Variants in CFAP47 observed in about 807,000 individuals in gnomAD.
The protein encoded by CFAP47 is cilia- and flagella-associated protein 47.
A neutral mutation model predicts 148.1 loss-of-function variants in CFAP47; 29 were observed. That is an observed-to-expected ratio of 0.20 (90% CI 0.15 to 0.27). The LOEUF is 0.27. CFAP47 is among the 10% of genes least tolerant of loss of function. CFAP47 has a pLI of 1.00. For synonymous variants in CFAP47, 664 were observed against 577.3 expected (o/e 1.15, Z -2.15); for missense variants, 1,872 against 1,697.5 (o/e 1.10, Z -1.81).
chrX:36,316,320 G>C (rs1342559338), intron 56 of CFAP47, among the ~76,000 whole-genome samples: 1 of 112,097 alleles, frequency 8.9e-6, no homozygotes, highest in Non-Finnish European at 1.9e-5. Context: ...ATTAAGAATT[G>C]TGTTCAGTGA....
At chrX:36,102,495 T>A (rs753295878) in intron 32 of CFAP47, among the ~76,000 whole-genome samples, 1 of 111,838 alleles carries the variant, frequency 8.9e-6, no homozygotes, top group African/African-American at 3.2e-5. Context: ...TTACCACCGA[T>A]AATTTCAGAA....
At chrX:35,977,355 A>G (rs966226250) in intron 15 of CFAP47, among the ~76,000 whole-genome samples, 1 of 111,970 alleles carries the variant, frequency 8.9e-6, no homozygotes, top group African/African-American at 3.2e-5. Flanking sequence ...AAACTTCTCT[A>G]ATGCCTGGCA....
intron 8 of CFAP47, among the ~76,000 whole-genome samples, chrX:35,965,303 G>A (rs951876995): frequency 1.8e-5 from 2 of 111,332 alleles, no homozygotes; most frequent in African/African-American, 6.5e-5. Flanking sequence ...AAGAGCCTCT[G>A]TATAAGTAAG....
At chrX:36,014,208 C>A (rs1381747956) in intron 21 of CFAP47, among the ~76,000 whole-genome samples, 2 of 111,658 alleles carry the variant, frequency 1.8e-5, no homozygotes, top group African/African-American at 6.5e-5. Context: ...TGTATAGCTT[C>A]TTTTCTGAAG....
chrX:36,384,664 A>G, intron 63 of CFAP47, 133 bp from the exon 64 acceptor site: 1 of 448,729 alleles, frequency 2.2e-6, no homozygotes, highest in Non-Finnish European at 3.9e-6. Context: ...TTGTCACTCT[A>G]AGTGGTTTCA....
In CFAP47 at chrX:36,338,035, A is replaced by ATT. The variant is rs1209274928; in HGVS notation, c.8444-10070_8444-10069dup. Among the ~76,000 whole-genome samples the ATT allele has an allele frequency of 1.4e-3, 67 of 46,562 alleles. 1 individual carries two copies. The highest frequency in any genetic ancestry group is 2.8e-3 in the African/African-American group (29 of 10,475). 40.4% of individuals were successfully genotyped at this position (46,562 alleles called of 115,157 possible). A position where few individuals can be genotyped will look rare whatever the true frequency, so the allele number is the denominator to read the frequency against. ...CAGGCGCCCGCCACTACGCCTGGCT[A>ATT]TTTTTTTTTTTTTTTTTTTTTTTTT... On this transcript the variant is annotated intron_variant, in intron 57 of 63. Transcript: ENST00000378653.
At chrX:36,158,442 T>C (rs909205318) in intron 37 of CFAP47, among the ~76,000 whole-genome samples, 5 of 112,079 alleles carry the variant, frequency 4.5e-5, no homozygotes, top group Admixed American at 9.5e-5. Flanking sequence ...GCATGAGTAA[T>C]CAAAGGTACT....
chrX:36,371,258 A>G lies in CFAP47; in HGVS notation c.9185+4131A>G, dbSNP rs181945746. On this transcript the variant is annotated intron_variant, in intron 62 of 63. Coordinates refer to ENST00000378653, the MANE Select transcript of CFAP47 (RefSeq NM_001304548.2). ...ATGAGCATTATGAATTACACAAAAA[A>G]CTATAATGTAAATCTTAGGAAATGA... Among the ~76,000 whole-genome samples the G allele has an allele frequency of 3.0e-3, 332 of 111,031 alleles. 1 individual carries two copies. Among genetic ancestry groups the G allele is most frequent in the African/African-American group, 0.01 (321 of 30,686 alleles).
intron 35 of CFAP47, among the ~76,000 whole-genome samples, chrX:36,139,437 A>G (rs907505376): frequency 8.9e-6 from 1 of 111,792 alleles, no homozygotes; most frequent in Non-Finnish European, 1.9e-5. Flanking sequence ...GCATAAAAAA[A>G]TCAGGAGTTT....
intron 33 of CFAP47, among the ~76,000 whole-genome samples, chrX:36,111,817 T>A (rs1938559896): frequency 8.9e-6 from 1 of 111,954 alleles, no homozygotes; most frequent in Non-Finnish European, 1.9e-5. Flanking sequence ...GGATTCAATA[T>A]CTTCCTAGGT....
At chrX:36,107,397 C>G (rs1023279814) in intron 33 of CFAP47, among the ~76,000 whole-genome samples, 9 of 112,097 alleles carry the variant, frequency 8.0e-5, no homozygotes, top group Non-Finnish European at 1.5e-4. Flanking sequence ...ATTAATATAG[C>G]AAATATCTGT....
At chrX:36,089,639 T>A (rs1938150870) in intron 30 of CFAP47, among the ~76,000 whole-genome samples, 1 of 111,228 alleles carries the variant, frequency 9.0e-6, no homozygotes. Flanking sequence ...CCGTTTTAGC[T>A]CTAAGTTCAA....
chrX:36,204,183 T>C (rs1183379099), intron 44 of CFAP47, among the ~76,000 whole-genome samples: 10 of 111,542 alleles, frequency 9.0e-5, no homozygotes, highest in Non-Finnish European at 1.9e-4. Context: ...GCAAAAATTT[T>C]CTCCCATTCT....
At chrX:36,265,333 A>C (rs1182943918) in intron 49 of CFAP47, among the ~76,000 whole-genome samples, 1 of 111,983 alleles carries the variant, frequency 8.9e-6, no homozygotes, top group Non-Finnish European at 1.9e-5. Flanking sequence ...TTCTGAGTAT[A>C]GAATCATATT....
At chrX:36,148,897 A>ATGTGTGTGTGTGTG (rs1222257025) in intron 36 of CFAP47, among the ~76,000 whole-genome samples, 1 of 76,441 alleles carries the variant, frequency 1.3e-5, no homozygotes, top group African/African-American at 9.5e-5. Flanking sequence ...GCTAAACTGT[A>ATGTGTGTGTGTGTG]TGTATGTGTG....
intron 33 of CFAP47, among the ~76,000 whole-genome samples, chrX:36,117,281 T>C (rs1938658137): frequency 9.0e-6 from 1 of 111,626 alleles, no homozygotes; most frequent in Non-Finnish European, 1.9e-5. Context: ...GCAGTGGGAT[T>C]GCTGGATCAT....
chrX:36,004,043 G>C (rs756752030), intron 21 of CFAP47, among the ~76,000 whole-genome samples: 1 of 96,569 alleles, frequency 1.0e-5, no homozygotes, highest in South Asian at 4.9e-4. Flanking sequence ...TGCGATCTCA[G>C]CTCACTGCAA....
chrX:36,170,801 G>A (rs1332166426), intron 39 of CFAP47, among the ~76,000 whole-genome samples: 7 of 108,117 alleles, frequency 6.5e-5, no homozygotes, highest in Non-Finnish European at 1.1e-4. Context: ...TAGTCCTTTG[G>A]GTATATACCC....
intron 63 of CFAP47, among the ~76,000 whole-genome samples, chrX:36,381,931 T>C (rs1002699198): frequency 9.0e-6 from 1 of 111,000 alleles, no homozygotes; most frequent in African/African-American, 3.3e-5. Context: ...TATATACAGA[T>C]GTACCTGTTA....
Sources: allele counts gnomAD v4.1 joint callset (sites outside exome capture counted in the v4.1 genomes callset), GRCh38; gene constraint gnomAD v4.1.1; transcripts MANE v1.5; gene names NCBI Gene and HGNC (gene_info 2026-07-23, HGNC 2026-07-21).